EGFLAM: variants seen among roughly 807,000 people sequenced by gnomAD.
EGFLAM encodes EGF like, fibronectin type III and laminin G domains, also known as pikachurin.
A neutral mutation model predicts 113.1 loss-of-function variants in EGFLAM; 79 were observed. That is an observed-to-expected ratio of 0.70 (90% CI 0.58 to 0.84). EGFLAM has a LOEUF of 0.84. EGFLAM is among the 40% of genes least tolerant of loss of function. EGFLAM has a pLI of 0.00. For synonymous variants in EGFLAM, 504 were observed against 487.6 expected (o/e 1.03, Z -0.44); for missense variants, 1,265 against 1,291.6 (o/e 0.98, Z 0.32).
chr5:38,388,631 A>G (rs1260223396), intron 6 of EGFLAM, among the ~76,000 whole-genome samples: 1 of 151,702 alleles, frequency 6.6e-6, no homozygotes, highest in African/African-American at 2.4e-5. Flanking sequence ...ATGGTGGCAC[A>G]TGCCTGTAAT....
intron 1 of EGFLAM, among the ~76,000 whole-genome samples, chr5:38,336,808 G>C (rs1739198621): frequency 6.6e-6 from 1 of 151,544 alleles, no homozygotes; most frequent in South Asian, 2.1e-4. Context: ...GATGTCAACT[G>C]TATAGAAACA....
intron 1 of EGFLAM, among the ~76,000 whole-genome samples, chr5:38,264,797 T>TG (rs1276630880): frequency 2.0e-5 from 3 of 152,170 alleles, no homozygotes; most frequent in African/African-American, 7.2e-5. Context: ...ACAAAAGCCG[T>TG]GGGGCACTAG....
At chr5:38,391,384 TTGTGTGTGTGTGTG>T (rs758900897) in intron 6 of EGFLAM, among the ~76,000 whole-genome samples, 2 of 97,964 alleles carry the variant, frequency 2.0e-5, no homozygotes, top group Non-Finnish European at 4.6e-5. Flanking sequence ...TTTCTTTTCT[TTGTGTGTGTGTGTG>T]TGTGTGTGTG....
chr5:38,300,244 C>T (rs375344268), intron 1 of EGFLAM, among the ~76,000 whole-genome samples: 42 of 152,218 alleles, frequency 2.8e-4, no homozygotes, highest in East Asian at 2.3e-3. Flanking sequence ...GCTGCACCAC[C>T]GGGTCAAATC....
chr5:38,442,915 T>C (rs778290078), intron 17 of EGFLAM, among the ~76,000 whole-genome samples: 38 of 152,216 alleles, frequency 2.5e-4, no homozygotes, highest in Non-Finnish European at 5.0e-4. Context: ...AGACAAACCC[T>C]AGGACAACCA....
At chr5:38,378,953 G>C (rs1490883432) in intron 6 of EGFLAM, among the ~76,000 whole-genome samples, 3 of 152,206 alleles carry the variant, frequency 2.0e-5, no homozygotes, top group African/African-American at 7.2e-5. Context: ...TTCCCTCCAT[G>C]CCTAGTTACT....
intron 1 of EGFLAM, among the ~76,000 whole-genome samples, chr5:38,259,106 T>A (rs922073824): frequency 2.8e-4 from 42 of 152,242 alleles, no homozygotes; most frequent in Admixed American, 2.7e-3. Context: ...GGTCCCCGTG[T>A]TTGACCGCAG....
intron 19 of EGFLAM, among the ~76,000 whole-genome samples, chr5:38,454,960 G>A (rs1256732002): frequency 2.0e-5 from 3 of 152,146 alleles, no homozygotes; most frequent in Non-Finnish European, 4.4e-5. Flanking sequence ...GAAAATGAGT[G>A]TGTTTTTCTG....
chr5:38,347,450 A>G (rs2111973971), intron 3 of EGFLAM, among the ~76,000 whole-genome samples: 1 of 152,240 alleles, frequency 6.6e-6, no homozygotes, highest in South Asian at 2.1e-4. Context: ...GGGTGCACCA[A>G]GGACACCAGG....
chr5:38,328,801 A>G (rs1177811991), intron 1 of EGFLAM, among the ~76,000 whole-genome samples: 1 of 145,730 alleles, frequency 6.9e-6, no homozygotes, highest in South Asian at 2.1e-4. Flanking sequence ...ATTAATATGC[A>G]TAAGTTTTAT....
intron 3 of EGFLAM, among the ~76,000 whole-genome samples, chr5:38,340,188 G>A (rs1215373810): frequency 6.6e-6 from 1 of 152,170 alleles, no homozygotes; most frequent in Non-Finnish European, 1.5e-5. Context: ...ACCTAAACAA[G>A]GCTGGGAGGG....
At chr5:38,375,982 C>T (rs1055587343) in intron 6 of EGFLAM, among the ~76,000 whole-genome samples, 1 of 152,198 alleles carries the variant, frequency 6.6e-6, no homozygotes, top group Non-Finnish European at 1.5e-5. Context: ...CAAATCAGCA[C>T]CTGTTTTGTT....
chr5:38,333,507 G>A (rs1739102642), intron 1 of EGFLAM, among the ~76,000 whole-genome samples: 1 of 152,152 alleles, frequency 6.6e-6, no homozygotes, highest in Non-Finnish European at 1.5e-5. Flanking sequence ...ACTGGTGTGA[G>A]ACGGTATCTC....
intron 5 of EGFLAM, among the ~76,000 whole-genome samples, chr5:38,357,868 T>TTTTC (rs2112002959): frequency 6.6e-6 from 1 of 151,696 alleles, no homozygotes; most frequent in East Asian, 1.9e-4. Flanking sequence ...AATTTTCTTT[T>TTTTC]TTTTTTTTTT....
intron 12 of EGFLAM, among the ~76,000 whole-genome samples, chr5:38,421,208 C>T (rs1207169278): frequency 2.0e-5 from 3 of 152,212 alleles, no homozygotes; most frequent in Non-Finnish European, 4.4e-5. Flanking sequence ...TTACTCAGTT[C>T]CTTCCACTTC....
rs747789954 is a variant in EGFLAM at position 38,463,915 on chromosome 5, A to G, written c.2959A>G (p.Thr987Ala). The change falls in exon 22 of 22, where the codon ACC becomes GCC. Residue 987 changes from threonine (T) to alanine (A), a missense_variant. By Grantham distance (58) the Thr-to-Ala change is moderately conservative (BLOSUM62 0). Transcript: ENST00000322350. ...VGCISHFTLS[T>A]DYHISLVEDA... is the part of the protein sequence containing the mutation. ...CTGTATCTCTCACTTCACCCTGTCC[A>G]CCGATTACCACATTTCCCTCGTGGA... 44 of 1,614,096 alleles carry G rather than the reference A, an allele frequency of 2.7e-5. No individual in the cohort carries two copies. Among genetic ancestry groups the G allele is most frequent in the Non-Finnish European group, 3.6e-5 (43 of 1,180,048 alleles).
chr5:38,280,481 T>G (rs1333097357), intron 1 of EGFLAM, among the ~76,000 whole-genome samples: 1 of 152,124 alleles, frequency 6.6e-6, no homozygotes, highest in Non-Finnish European at 1.5e-5. Context: ...GGGAGAGAAT[T>G]TGTTTCTTTT....
intron 5 of EGFLAM, among the ~76,000 whole-genome samples, chr5:38,358,608 T>G (rs1739830780): frequency 6.6e-6 from 1 of 152,022 alleles, no homozygotes; most frequent in Non-Finnish European, 1.5e-5. Context: ...TTGTTCTTCA[T>G]CCAACTTCTA....
At chr5:38,395,829 C>T (rs532355432) in intron 6 of EGFLAM, among the ~76,000 whole-genome samples, 6 of 152,228 alleles carry the variant, frequency 3.9e-5, no homozygotes, top group Admixed American at 3.9e-4. Flanking sequence ...TTTCAGGGAG[C>T]CAACTGGAGA....
Sources: gnomAD v4.1 joint callset for allele counts (sites outside exome capture counted in the v4.1 genomes callset) on GRCh38, gnomAD v4.1.1 for gene constraint, MANE v1.5 for transcripts, NCBI Gene and HGNC (gene_info 2026-07-23, HGNC 2026-07-21) for gene names.